The following HIVEP1 variants were observed in gnomAD, a reference collection of about 807,000 sequenced individuals.
The protein encoded by HIVEP1 is HIVEP zinc finger 1.
A neutral mutation model predicts 180.0 loss-of-function variants in HIVEP1; 36 were observed. The observed-to-expected ratio is 0.20, with a 90% CI of 0.15 to 0.26. The LOEUF (loss-of-function observed/expected upper bound fraction) is 0.26, where lower values mean the gene tolerates loss of function less well. Ranked by LOEUF, HIVEP1 falls within the 10% of genes least tolerant of loss-of-function variation. The probability of loss-of-function intolerance (pLI) is 1.00; values close to 1 mark genes in which losing one functional copy is unlikely to be tolerated. For missense variants in HIVEP1, 3,143 were observed against 3,268.7 expected (o/e 0.96, Z 0.94); for synonymous variants, 1,239 against 1,239.0 (o/e 1.00, Z 0.00).
the HIVEP1 span, among the ~76,000 whole-genome samples, chr6:12,190,299 G>A: frequency 7.9e-3 from 1,207 of 152,220 alleles, 14 homozygotes; most frequent in African/African-American, 0.027. Flanking sequence ...TTGAATAAGC[G>A]GGTAGAAACA....
rs1411176661 is a variant in HIVEP1, at chr6:12,120,449, A to G, written c.654A>G (p.Ala218=). Residue 218 remains alanine, a synonymous_variant, in exon 4 of 9, where the codon GCA becomes GCG. Transcript: ENST00000379388. The part of the protein sequence containing the change: ...STLSQKGSPC[A]IKTEKLRPNK... ...TGTCACAAAAGGGCTCACCTTGTGC[A>G]ATTAAGACAGAAAAACTGAGGCCAA... 3 of 1,614,076 alleles carry G rather than the reference A, an allele frequency of 1.9e-6. No homozygotes were observed. Among genetic ancestry groups the G allele is most frequent in the African/African-American group, 2.7e-5 (2 of 74,920 alleles).
rs1775443476 is a variant in HIVEP1, at chr6:12,119,751, A to G, written c.95-139A>G. 7 of 599,612 alleles carry G rather than the reference A, an allele frequency of 1.2e-5. No individual in the cohort carries two copies. In the East Asian group the frequency reaches 2.1e-4, roughly 18 times the overall value. The allele number at this position is 599,612 out of a possible 1,614,324, so 37.1% of individuals were successfully genotyped here. A position where few individuals can be genotyped will look rare whatever the true frequency, so the allele number is the denominator to read the frequency against. On this transcript the variant is annotated intron_variant, in intron 3 of 8. Transcript: ENST00000379388. ...TTCCGGAATGCAGAAGTGCAATTTT[A>G]TTTAAAAAATAGACTTTCCTTAAAT... is the stretch of plus-strand genomic sequence containing the variant.
At chr6:12,092,006 T>C (rs1773507771) in intron 3 of HIVEP1, among the ~76,000 whole-genome samples, 1 of 152,206 alleles carries the variant, frequency 6.6e-6, no homozygotes, top group African/African-American at 2.4e-5. Flanking sequence ...TTTAATACTC[T>C]TAAATTTTTA....
At chr6:12,156,208 C>T (rs1242331156) in intron 7 of HIVEP1, among the ~76,000 whole-genome samples, 1 of 152,146 alleles carries the variant, frequency 6.6e-6, no homozygotes, top group Non-Finnish European at 1.5e-5. Context: ...TGTGTGTTCA[C>T]TCTGATGATA....
At chr6:12,127,183 A>G (rs1407197596) in intron 4 of HIVEP1, among the ~76,000 whole-genome samples, 1 of 152,224 alleles carries the variant, frequency 6.6e-6, no homozygotes, top group Non-Finnish European at 1.5e-5. Context: ...AAAATTAATA[A>G]TACACGAAAT....
chr6:12,040,882 G>A (rs1223205384), intron 2 of HIVEP1, among the ~76,000 whole-genome samples: 1 of 149,642 alleles, frequency 6.7e-6, no homozygotes, highest in Non-Finnish European at 1.5e-5. Flanking sequence ...GAAGAGTGGT[G>A]GGGGGGACGT....
At chr6:12,010,999 G>C (rs1426160119), upstream of HIVEP1, among the ~76,000 whole-genome samples, 1 of 152,154 alleles carries the variant, frequency 6.6e-6, no homozygotes, top group East Asian at 1.9e-4. Flanking sequence ...GCAGGCAGGG[G>C]TTAATTGCGC....
downstream of HIVEP1, among the ~76,000 whole-genome samples, chr6:12,167,782 C>T (rs1323098129): frequency 4.5e-5 from 6 of 133,840 alleles, no homozygotes; most frequent in Non-Finnish European, 7.9e-5. Flanking sequence ...TGTAGATGTG[C>T]GTATATAATA....
intron 3 of HIVEP1, among the ~76,000 whole-genome samples, chr6:12,109,806 G>A (rs1446795215): frequency 6.6e-6 from 1 of 152,196 alleles, no homozygotes; most frequent in African/African-American, 2.4e-5. Flanking sequence ...ATTTAGAATA[G>A]TGAATCCTTT....
intron 1 of HIVEP1, among the ~76,000 whole-genome samples, chr6:12,014,032 T>G (rs953968390): frequency 6.6e-6 from 1 of 152,240 alleles, no homozygotes; most frequent in Non-Finnish European, 1.5e-5. Flanking sequence ...TTAAGGAGAA[T>G]TAATAGTTCA....
At chr6:12,187,773 A>G in the HIVEP1 span, among the ~76,000 whole-genome samples, 1 of 151,858 alleles carries the variant, frequency 6.6e-6, no homozygotes, top group Non-Finnish European at 1.5e-5. Context: ...TTTTGTAGAG[A>G]TGAGGTTTCA....
intron 6 of HIVEP1, among the ~76,000 whole-genome samples, chr6:12,133,292 ATC>A (rs1286537690): frequency 3.3e-5 from 5 of 152,242 alleles, no homozygotes; most frequent in Non-Finnish European, 5.9e-5. Context: ...GAGAGCTTGT[ATC>A]TCTGCAAGAT....
chr6:12,065,616 T>C (rs1415784245), intron 2 of HIVEP1, among the ~76,000 whole-genome samples: 1 of 152,118 alleles, frequency 6.6e-6, no homozygotes, highest in Non-Finnish European at 1.5e-5. Flanking sequence ...TGTGTGCCAC[T>C]GTTTGCTCCT....
At chr6:12,014,684 G>A (rs1229656154) in intron 1 of HIVEP1, among the ~76,000 whole-genome samples, 1 of 152,226 alleles carries the variant, frequency 6.6e-6, no homozygotes, top group Non-Finnish European at 1.5e-5. Context: ...TGAGGTGGCT[G>A]ATTTGGGGAG....
At chr6:12,158,641 C>G (rs1420456968) in intron 7 of HIVEP1, among the ~76,000 whole-genome samples, 1 of 152,168 alleles carries the variant, frequency 6.6e-6, no homozygotes, top group Admixed American at 6.5e-5. Flanking sequence ...GTGACCTTCT[C>G]AGTTCTCCTC....
chr6:12,020,311 A>C lies in HIVEP1; in HGVS notation c.40+4643A>C, dbSNP rs544428640. 75 of 471,140 alleles carry C rather than the reference A, an allele frequency of 1.6e-4. 1 individual carries two copies. Among genetic ancestry groups the C allele is most frequent in the South Asian group, 1.2e-3 (75 of 64,564 alleles). The allele number at this position is 471,140 out of a possible 1,614,324, so 29.2% of individuals were successfully genotyped here. A position where few individuals can be genotyped will look rare whatever the true frequency, so the allele number is the denominator to read the frequency against. Reference sequence around the variant, plus strand: ...TTGTGAGGTTGAAGAATTTTGGAAGAGCATGAGAGCAGCACTTGGTGTTCA... The same window carrying C: ...TTGTGAGGTTGAAGAATTTTGGAAGCGCATGAGAGCAGCACTTGGTGTTCA... On this transcript the variant is annotated intron_variant, in intron 2 of 8. Transcript: ENST00000379388.
chr6:12,107,629 G>A lies in HIVEP1; in HGVS notation c.95-12261G>A, dbSNP rs915755686. Among the ~76,000 whole-genome samples the A allele has an allele frequency of 5.3e-5, 8 of 152,180 alleles. No homozygotes were observed. In the East Asian group the frequency reaches 9.6e-4, roughly 18 times the overall value. On this transcript the variant is annotated intron_variant, in intron 3 of 8. Transcript: ENST00000379388. Reference sequence around the variant, plus strand: ...TGCCTTCTGGTGGGTTCGTGGTCTCGCTGGCTCAGGAGTGAAGCTGCAGAC... The same window carrying A: ...TGCCTTCTGGTGGGTTCGTGGTCTCACTGGCTCAGGAGTGAAGCTGCAGAC...
chr6:12,129,813 T>C lies in HIVEP1; in HGVS notation c.6130T>C (p.Ser2044Pro). 6.3e-7 allele frequency: 1 copy of C among 1,593,890 alleles called. No individual in the cohort carries two copies. The highest frequency in any genetic ancestry group is 8.6e-7 in the Non-Finnish European group (1 of 1,161,802). Residue 2044 changes from serine to proline, a missense_variant, in exon 5 of 9, where the codon TCT becomes CCT. By Grantham distance (74) the Ser-to-Pro change is moderately conservative. Coordinates refer to ENST00000379388, the MANE Select transcript of HIVEP1 (RefSeq NM_002114.4). ...AGTTGAATTCAGCAATAAAGATGCCTCTGAAATTAACAGTGAGCAAGATAA... is the reference window on the plus strand; with the variant it reads ...AGTTGAATTCAGCAATAAAGATGCCCCTGAAATTAACAGTGAGCAAGATAA... ...TVVEFSNKDA[S>P]EINSEQDKEN...
chr6:12,062,886 C>T (rs1771332264), intron 2 of HIVEP1, among the ~76,000 whole-genome samples: 1 of 152,176 alleles, frequency 6.6e-6, no homozygotes, highest in South Asian at 2.1e-4. Flanking sequence ...GTTCAGGTGT[C>T]CTGGGATGGA....
Sources: allele counts gnomAD v4.1 joint callset (sites outside exome capture counted in the v4.1 genomes callset), GRCh38; gene constraint gnomAD v4.1.1; transcripts MANE v1.5; gene names NCBI Gene and HGNC (gene_info 2026-07-23, HGNC 2026-07-21).